SS18L1: variants seen among roughly 807,000 people sequenced by gnomAD.
The protein encoded by SS18L1 is SS18L1 subunit of BAF chromatin remodeling complex.
SS18L1 carries 32 observed loss-of-function variants against 70.3 expected under a neutral mutation model. The ratio of observed to expected loss-of-function variants is 0.46; its 90% CI spans 0.34 to 0.61. The LOEUF is 0.61. Among genes scored for constraint, SS18L1 ranks in the 20% least tolerant of loss-of-function variants. SS18L1 has a pLI of 0.01. For missense variants in SS18L1, 430 were observed against 542.1 expected (o/e 0.79, Z 2.05); for synonymous variants, 237 against 229.7 (o/e 1.03, Z -0.29).
intron 1 of SS18L1, among the ~76,000 whole-genome samples, chr20:62,153,668 T>A (rs1228189445): frequency 6.6e-6 from 1 of 152,158 alleles, no homozygotes; most frequent in Non-Finnish European, 1.5e-5. Context: ...AGTTGTTGAT[T>A]GTTTTTCTTT....
rs543083907 is a variant in SS18L1 at position 62,148,203 on chromosome 20, C to T, written c.69+4314C>T. ...CCTGGGCTCAGCCCCGGGGAGGGAC[C>T]CCGCAGCCACCGGCCTTGCTCGGCC... On this transcript the variant is annotated intron_variant, in intron 1 of 10. Transcript: ENST00000331758. Among the ~76,000 whole-genome samples, 80 of 152,368 alleles carry T rather than the reference C, an allele frequency of 5.3e-4. 1 individual carries two copies. The highest frequency in any genetic ancestry group is 1.8e-3 in the African/African-American group (75 of 41,596).
At chr20:62,173,343 T>G (rs1208934259) in intron 9 of SS18L1, among the ~76,000 whole-genome samples, 6 of 152,170 alleles carry the variant, frequency 3.9e-5, no homozygotes, top group African/African-American at 1.4e-4. Flanking sequence ...CACACGTGGT[T>G]TCTTATGAGG....
rs557718521 is a variant in SS18L1, at chr20:62,151,662, G to A, written c.70-7010G>A. 1.1e-4 allele frequency among the ~76,000 whole-genome samples: 17 copies of A among 152,308 alleles called. No homozygotes were observed. In the South Asian group the frequency reaches 1.9e-3, roughly 17 times the overall value. Reference sequence around the variant, plus strand: ...AATCATGTTTCAACCACGCGGCTCCGGGAGGTTTGTTGCGCATTGGGTAAT... The same window carrying A: ...AATCATGTTTCAACCACGCGGCTCCAGGAGGTTTGTTGCGCATTGGGTAAT... On this transcript the variant is annotated intron_variant, in intron 1 of 10. Coordinates refer to ENST00000331758, the MANE Select transcript of SS18L1 (RefSeq NM_198935.3).
In SS18L1 at chr20:62,161,653, A is replaced by G; in HGVS notation, c.376+73A>G. The G allele has an allele frequency of 6.5e-7, 1 of 1,538,998 alleles. No homozygotes were observed. The highest frequency in any genetic ancestry group is 1.2e-5 in the South Asian group (1 of 82,426). On this transcript the variant is annotated intron_variant, in intron 4 of 10. Transcript: ENST00000331758. This position sits in a 1 kb window ranked among gnomAD's most constrained non-coding sequence, Gnocchi z 4.4. ...GGCAGCCCTTGGGCAGCCGGCTGCC[A>G]TGGTGGGGCACCCCACCCCTCACAG...
At chr20:62,179,099 C>A in intron 10 of SS18L1, 83 bp from the exon 11 acceptor site, 3 of 1,490,328 alleles carry the variant, frequency 2.0e-6, no homozygotes, top group East Asian at 4.5e-5. Context: ...GTCCCTCCTA[C>A]CCCCTGTCCG....
rs55818729 is a variant in SS18L1, at chr20:62,159,697, A to G, written c.147-180A>G. On this transcript the variant is annotated intron_variant, in intron 2 of 10. Transcript: ENST00000331758. This position sits in a 1 kb window ranked among gnomAD's most constrained non-coding sequence, Gnocchi z 4.4. ...GGGTAGAGGCTGCCCTCCCGTCCCC[A>G]CCGAGACCCCAGCACCCTGCCACCT... 0.28 allele frequency among the ~76,000 whole-genome samples: 42,625 copies of G among 151,926 alleles called. 10,708 individuals are homozygous for G. Among genetic ancestry groups the G allele is most frequent in the African/African-American group, 0.68 (28,069 of 41,426 alleles).
chr20:62,159,444 C>T lies in SS18L1; in HGVS notation c.147-433C>T, dbSNP rs932595297. 1.3e-4 allele frequency among the ~76,000 whole-genome samples: 20 copies of T among 152,242 alleles called. No homozygotes were observed. Among genetic ancestry groups the T allele is most frequent in the African/African-American group, 4.3e-4 (18 of 41,558 alleles). ...GCCTTCCCTGGCAGAACTGTGCTTCCCCATTTCTTTCCAGGGCTTTCTCAG... is the reference window on the plus strand; with the variant it reads ...GCCTTCCCTGGCAGAACTGTGCTTCTCCATTTCTTTCCAGGGCTTTCTCAG... On this transcript the variant is annotated intron_variant, in intron 2 of 10. Transcript: ENST00000331758. This position sits in a 1 kb window ranked among gnomAD's most constrained non-coding sequence, Gnocchi z 4.4.
intron 8 of SS18L1, among the ~76,000 whole-genome samples, chr20:62,171,069 A>AT (rs1016933042): frequency 3.4e-5 from 5 of 146,218 alleles, no homozygotes; most frequent in African/African-American, 1.3e-4. Context: ...GCCGGGCTAA[A>AT]TTTTTTGTAT....
intron 5 of SS18L1, among the ~76,000 whole-genome samples, 193 bp downstream of exon 5, chr20:62,163,124 ACTC>A (rs886622770): frequency 6.6e-6 from 1 of 151,550 alleles, no homozygotes; most frequent in African/African-American, 2.4e-5. Flanking sequence ...TGCACGATCA[ACTC>A]CTCCTGTCCC....
At chr20:62,155,790 G>A (rs2057211655) in intron 1 of SS18L1, among the ~76,000 whole-genome samples, 1 of 152,128 alleles carries the variant, frequency 6.6e-6, no homozygotes, top group Admixed American at 6.5e-5. Flanking sequence ...GGTGCCCTGG[G>A]GGCACTGATT....
At position 62,159,923 on chromosome 20, in the gene SS18L1, G is replaced by A. The variant is rs2057294179; in HGVS notation, c.193G>A (p.Ala65Thr). The part of the protein sequence containing the change: ...HRNLVYLATI[A>T]DSNQNMQSLL... ...GAACCTGGTATACCTGGCCACGATCGCAGACTCCAACCAGAACATGCAGTC... is the reference window on the plus strand; with the variant it reads ...GAACCTGGTATACCTGGCCACGATCACAGACTCCAACCAGAACATGCAGTC... The change falls in exon 3 of 11, where the codon GCA becomes ACA. Residue 65 changes from alanine (A) to threonine (T), a missense_variant. Ala to Thr is a moderately conservative substitution (Grantham distance 58). Transcript: ENST00000331758. The surrounding 1 kb of genome is among the most constrained non-coding windows in gnomAD (Gnocchi z 4.4). 1.9e-6 allele frequency: 3 copies of A among 1,612,208 alleles called. No homozygotes were observed. The highest frequency in any genetic ancestry group is 2.7e-5 in the African/African-American group (2 of 74,862).
intron 1 of SS18L1, among the ~76,000 whole-genome samples, chr20:62,145,596 C>T (rs1364811182): frequency 6.6e-6 from 1 of 152,192 alleles, no homozygotes; most frequent in Non-Finnish European, 1.5e-5. Context: ...CCCAAATTCT[C>T]CAGGTAAAAG....
At chr20:62,175,555 C>A in intron 10 of SS18L1, 1 of 644,504 alleles carries the variant, frequency 1.6e-6, no homozygotes, top group Non-Finnish European at 1.9e-6. Context: ...GGAGAATGGT[C>A]TGGGACATTT....
At chr20:62,164,760 G>A (rs1018464610) in intron 7 of SS18L1, among the ~76,000 whole-genome samples, 16 of 152,198 alleles carry the variant, frequency 1.1e-4, no homozygotes, top group Non-Finnish European at 1.3e-4. Context: ...TGAAAACAGC[G>A]GTTCACACCT....
intron 1 of SS18L1, among the ~76,000 whole-genome samples, chr20:62,156,124 C>T (rs774220108): frequency 3.4e-4 from 52 of 152,210 alleles, no homozygotes; most frequent in Admixed American, 6.5e-4. Flanking sequence ...CGGGGCTCTG[C>T]CTAATGAAGT....
At position 62,161,726 on chromosome 20, in the gene SS18L1, C is replaced by A; in HGVS notation, c.376+146C>A. 1 of 1,269,358 alleles carries A rather than the reference C, an allele frequency of 7.9e-7. No homozygotes were observed. The highest frequency in any genetic ancestry group is 1.1e-6 in the Non-Finnish European group (1 of 944,830). 78.6% of individuals were successfully genotyped at this position (1,269,358 alleles called of 1,614,324 possible). A position where few individuals can be genotyped will look rare whatever the true frequency, so the allele number is the denominator to read the frequency against. On this transcript the variant is annotated intron_variant, in intron 4 of 10. Transcript: ENST00000331758. The surrounding 1 kb of genome is among the most constrained non-coding windows in gnomAD (Gnocchi z 4.4). ...TCCTGGGGTAGCCACAGGTCGGCTG[C>A]CATCGCCCAGGCTCAGGGCCGCAGC...
intron 10 of SS18L1, chr20:62,175,452 A>G: frequency 1.0e-6 from 1 of 985,302 alleles, no homozygotes; most frequent in African/African-American, 1.7e-5. Context: ...AGGCAAGGGA[A>G]GAGGGCGTGC....
In SS18L1 at chr20:62,159,861, G is replaced by GC; in HGVS notation, c.147-11dup. ...GGTCCCGTCGTCCTGCCTCATGCGTGCCCCCTCTCCTGCAGGTACCAGCAG... is the reference window on the plus strand; with the variant it reads ...GGTCCCGTCGTCCTGCCTCATGCGTGCCCCCCTCTCCTGCAGGTACCAGCAG... On this transcript the variant is annotated splice_polypyrimidine_tract_variant and intron_variant, in intron 2 of 10. Transcript: ENST00000331758. This position sits in a 1 kb window ranked among gnomAD's most constrained non-coding sequence, Gnocchi z 4.4. 2 of 1,611,058 alleles carry GC rather than the reference G, an allele frequency of 1.2e-6. No homozygotes were observed. The highest frequency in any genetic ancestry group is 1.1e-5 in the South Asian group (1 of 90,832).
At chr20:62,178,141 CTTTTTTTT>C (rs61157167) in intron 10 of SS18L1, among the ~76,000 whole-genome samples, 4 of 97,824 alleles carry the variant, frequency 4.1e-5, no homozygotes, top group South Asian at 2.9e-4. Flanking sequence ...GTGGCTTATT[CTTTTTTTT>C]TTTTTTTTTT....
Sources: allele counts gnomAD v4.1 joint callset (sites outside exome capture counted in the v4.1 genomes callset), GRCh38; gene constraint gnomAD v4.1.1; non-coding constraint Gnocchi (gnomAD v3.1); transcripts MANE v1.5; gene names NCBI Gene and HGNC (gene_info 2026-07-23, HGNC 2026-07-21).